LINGO2: variants seen among roughly 807,000 people sequenced by gnomAD.
LINGO2 encodes leucine-rich repeat and immunoglobulin-like domain-containing nogo receptor-interacting protein 2.
LINGO2 carries 14 observed loss-of-function variants against 30.6 expected under a neutral mutation model. The ratio of observed to expected loss-of-function variants is 0.46; its 90% CI spans 0.30 to 0.72. The LOEUF (loss-of-function observed/expected upper bound fraction) is 0.72, where lower values mean the gene tolerates loss of function less well. Ranked by LOEUF, LINGO2 falls within the 30% of genes least tolerant of loss-of-function variation. The pLI is 0.07. For synonymous variants in LINGO2, 317 were observed against 288.5 expected, an observed-to-expected ratio of 1.10 and a Z score of -1.00; for missense variants, 729 against 751.7, an observed-to-expected ratio of 0.97 and a Z score of 0.35.
At chr9:28,825,993 A>G in the LINGO2 span, among the ~76,000 whole-genome samples, 1 of 152,170 alleles carries the variant, frequency 6.6e-6, no homozygotes, top group Non-Finnish European at 1.5e-5. Flanking sequence ...TCTTAATGTT[A>G]TTTTGCATAA....
At chr9:27,960,371 T>C (rs1373723046) in intron 5 of LINGO2, among the ~76,000 whole-genome samples, 1 of 152,190 alleles carries the variant, frequency 6.6e-6, no homozygotes, top group Non-Finnish European at 1.5e-5. Context: ...GGTGAACTGA[T>C]AGCATTCGAT....
chr9:29,202,499 G>A, the LINGO2 span, among the ~76,000 whole-genome samples: 301 of 152,058 alleles, frequency 2.0e-3, 1 homozygote, highest in African/African-American at 6.9e-3. Context: ...CTTATAAAGT[G>A]ATCTTATACT....
the LINGO2 span, among the ~76,000 whole-genome samples, chr9:28,902,172 A>G: frequency 6.6e-6 from 1 of 152,198 alleles, no homozygotes; most frequent in African/African-American, 2.4e-5. Flanking sequence ...GATAGGAAAA[A>G]ATATTTCATG....
intron 2 of LINGO2, among the ~76,000 whole-genome samples, chr9:28,393,253 A>G (rs1433486266): frequency 2.0e-5 from 3 of 152,250 alleles, no homozygotes; most frequent in African/African-American, 7.2e-5. Flanking sequence ...CACTGCCCTC[A>G]TGGAGATCCA....
intron 4 of LINGO2, among the ~76,000 whole-genome samples, chr9:28,143,451 C>G (rs367849437): frequency 6.6e-6 from 1 of 152,012 alleles, no homozygotes; most frequent in Non-Finnish European, 1.5e-5. Flanking sequence ...GTATGAAAGC[C>G]TGATAAAATC....
chr9:29,205,766 T>G, the LINGO2 span, among the ~76,000 whole-genome samples: 1 of 152,224 alleles, frequency 6.6e-6, no homozygotes, highest in Non-Finnish European at 1.5e-5. Context: ...AAATTTACTC[T>G]TTTTATGTGA....
At chr9:28,311,787 A>C (rs1824631444) in intron 3 of LINGO2, among the ~76,000 whole-genome samples, 1 of 152,160 alleles carries the variant, frequency 6.6e-6, no homozygotes, top group African/African-American at 2.4e-5. Flanking sequence ...GTCCTGAGGC[A>C]ACATACATCC....
At chr9:28,482,492 T>G (rs1338132685) in intron 1 of LINGO2, among the ~76,000 whole-genome samples, 1 of 152,054 alleles carries the variant, frequency 6.6e-6, no homozygotes, top group Non-Finnish European at 1.5e-5. Context: ...TCTTGTAAAT[T>G]TGTTTGAGTT....
chr9:28,597,688 G>T (rs193232093), intron 1 of LINGO2, among the ~76,000 whole-genome samples: 2 of 152,266 alleles, frequency 1.3e-5, no homozygotes, highest in East Asian at 3.9e-4. Flanking sequence ...CAGCTTCCAT[G>T]AACTAGTTTG....
chr9:28,298,647 C>T (rs1824017871), intron 3 of LINGO2, among the ~76,000 whole-genome samples: 1 of 150,096 alleles, frequency 6.7e-6, no homozygotes, highest in African/African-American at 2.5e-5. Context: ...TGTGCCATTG[C>T]ACTCCAGCCT....
chr9:28,537,890 A>G (rs1193354483), intron 1 of LINGO2, among the ~76,000 whole-genome samples: 4 of 151,932 alleles, frequency 2.6e-5, no homozygotes, highest in African/African-American at 7.2e-5. Flanking sequence ...AAAAACTTAA[A>G]CACTTCTTTT....
the LINGO2 span, among the ~76,000 whole-genome samples, chr9:28,751,753 G>T: frequency 4.0e-5 from 6 of 151,832 alleles, no homozygotes; most frequent in Non-Finnish European, 7.4e-5. Flanking sequence ...ACAAGTTATG[G>T]ATTCCCTAAC....
In LINGO2 at chr9:28,344,302, G is replaced by A. The variant is rs974235189; in HGVS notation, c.-246+28534C>T. Among the ~76,000 whole-genome samples the A allele has an allele frequency of 2.0e-5, 3 of 152,246 alleles. No individual in the cohort carries two copies. In the East Asian group the frequency reaches 5.8e-4, roughly 29 times the overall value. On this transcript the variant is annotated intron_variant, in intron 3 of 5. Coordinates refer to ENST00000379992, the Ensembl canonical transcript of LINGO2. ...GTAGTTCAAAAGATGGGGATCATAT[G>A]AGCACTAAGAAAAAATATTTCCAGC... is the stretch of plus-strand genomic sequence containing the variant.
chr9:29,130,028 A>G, the LINGO2 span, among the ~76,000 whole-genome samples: 1 of 152,162 alleles, frequency 6.6e-6, no homozygotes, highest in Non-Finnish European at 1.5e-5. Flanking sequence ...CCAAGTTTAG[A>G]GGGTTAACCA....
At chr9:28,706,999 C>T in the LINGO2 span, among the ~76,000 whole-genome samples, 9 of 152,060 alleles carry the variant, frequency 5.9e-5, no homozygotes, top group Non-Finnish European at 2.9e-5. Flanking sequence ...CCTCCCTACT[C>T]CTGGACTACA....
the LINGO2 span, among the ~76,000 whole-genome samples, chr9:28,825,568 G>GT: frequency 1.3e-5 from 2 of 149,960 alleles, no homozygotes; most frequent in African/African-American, 4.9e-5. Context: ...TTTGTATCTG[G>GT]TTTTTTTTTT....
chr9:28,858,056 C>G, the LINGO2 span, among the ~76,000 whole-genome samples: 6 of 151,894 alleles, frequency 4.0e-5, no homozygotes, highest in South Asian at 1.2e-3. Flanking sequence ...GTATCTTCTT[C>G]GACACAGGTA....
intron 4 of LINGO2, among the ~76,000 whole-genome samples, chr9:28,132,832 C>T (rs1827414546): frequency 6.6e-6 from 1 of 152,162 alleles, no homozygotes. Context: ...CAAAGCTGAC[C>T]TTGACCTGTT....
chr9:28,771,175 AGTC>A, the LINGO2 span, among the ~76,000 whole-genome samples: 1 of 152,164 alleles, frequency 6.6e-6, no homozygotes, highest in Non-Finnish European at 1.5e-5. Context: ...TATATAGGTC[AGTC>A]GTAAGATCCC....
Sources: gnomAD v4.1 joint callset for allele counts (sites outside exome capture counted in the v4.1 genomes callset) on GRCh38, gnomAD v4.1.1 for gene constraint, MANE v1.5 for transcripts, NCBI Gene and HGNC (gene_info 2026-07-23, HGNC 2026-07-21) for gene names.